Variants in KDM4C observed in about 807,000 individuals in gnomAD.
KDM4C encodes the protein lysine-specific demethylase 4C.
A neutral mutation model predicts 129.3 loss-of-function variants in KDM4C; 81 were observed. The ratio of observed to expected loss-of-function variants is 0.63; its 90% CI spans 0.52 to 0.75. The LOEUF (loss-of-function observed/expected upper bound fraction) is 0.75, where lower values mean the gene tolerates loss of function less well. Among genes scored for constraint, KDM4C ranks in the 30% least tolerant of loss-of-function variants. KDM4C has a pLI of 0.00. For synonymous variants in KDM4C, 573 were observed against 456.1 expected (o/e 1.26, Z -3.26); for missense variants, 1,457 against 1,304.0 (o/e 1.12, Z -1.81).
chr9:6,771,915 T>A (rs1821925991), intron 1 of KDM4C, among the ~76,000 whole-genome samples: 1 of 152,100 alleles, frequency 6.6e-6, no homozygotes, highest in Non-Finnish European at 1.5e-5. Context: ...GAGACTCAAG[T>A]AGCTCTTGCA....
At chr9:7,057,722 T>C (rs1386930870) in intron 17 of KDM4C, among the ~76,000 whole-genome samples, 3 of 152,232 alleles carry the variant, frequency 2.0e-5, no homozygotes, top group Non-Finnish European at 4.4e-5. Context: ...TTTCTTTGAA[T>C]GGAGGCCTGT....
At chr9:7,053,371 G>C (rs1305560166) in intron 17 of KDM4C, among the ~76,000 whole-genome samples, 3 of 152,126 alleles carry the variant, frequency 2.0e-5, no homozygotes, top group African/African-American at 7.2e-5. Context: ...GTTTACTTGA[G>C]CAGATTTTTT....
intron 18 of KDM4C, among the ~76,000 whole-genome samples, chr9:7,106,981 G>A (rs1837765412): frequency 6.6e-6 from 1 of 151,998 alleles, no homozygotes. Flanking sequence ...ATGGAAAAAA[G>A]TGTGTCACAG....
At chr9:6,842,300 T>C (rs1837081022) in intron 4 of KDM4C, among the ~76,000 whole-genome samples, 1 of 151,292 alleles carries the variant, frequency 6.6e-6, no homozygotes, top group African/African-American at 2.4e-5. Context: ...TTATTTTCTT[T>C]TATCCACATT....
intron 4 of KDM4C, among the ~76,000 whole-genome samples, chr9:6,827,607 A>T (rs1382005874): frequency 1.3e-5 from 2 of 152,236 alleles, no homozygotes; most frequent in Admixed American, 6.5e-5. Flanking sequence ...AAAACAGTTT[A>T]AACGGTTTGA....
chr9:6,967,899 A>G (rs1287117142), intron 8 of KDM4C, among the ~76,000 whole-genome samples: 1 of 152,194 alleles, frequency 6.6e-6, no homozygotes, highest in Non-Finnish European at 1.5e-5. Context: ...GGCTTTTCAT[A>G]AGTAAATGGT....
intron 19 of KDM4C, among the ~76,000 whole-genome samples, chr9:7,130,756 TTTTTTTC>T (rs1292755406): frequency 6.6e-6 from 1 of 152,028 alleles, no homozygotes; most frequent in East Asian, 1.9e-4. Context: ...AGTAATGTCT[TTTTTTTC>T]TTTTTTCTTT....
chr9:7,143,561 T>C (rs1296242181), intron 19 of KDM4C, among the ~76,000 whole-genome samples: 1 of 152,214 alleles, frequency 6.6e-6, no homozygotes, highest in African/African-American at 2.4e-5. Flanking sequence ...TAAGCCTTGG[T>C]GGATTAAAAG....
At chr9:7,084,638 G>T (rs1344504443) in intron 17 of KDM4C, among the ~76,000 whole-genome samples, 2 of 152,186 alleles carry the variant, frequency 1.3e-5, no homozygotes, top group Admixed American at 6.5e-5. Flanking sequence ...CATGATCTTA[G>T]TGTAGTTTTT....
At chr9:6,989,361 C>G (rs1219717099) in intron 11 of KDM4C, among the ~76,000 whole-genome samples, 1 of 151,598 alleles carries the variant, frequency 6.6e-6, no homozygotes, top group South Asian at 2.1e-4. Flanking sequence ...GGTTCAAACT[C>G]TCTCTGATAT....
intron 10 of KDM4C, among the ~76,000 whole-genome samples, chr9:6,984,714 GCTT>G (rs1454244470): frequency 6.6e-6 from 1 of 151,980 alleles, no homozygotes; most frequent in Non-Finnish European, 1.5e-5. Context: ...TTTTTGGAAG[GCTT>G]CTTTTGAATT....
intron 8 of KDM4C, among the ~76,000 whole-genome samples, chr9:6,934,549 G>C (rs1438852271): frequency 6.8e-6 from 1 of 147,468 alleles, no homozygotes; most frequent in Non-Finnish European, 1.5e-5. Context: ...TTTTTTTTGA[G>C]ATGGAGTCTC....
intron 1 of KDM4C, among the ~76,000 whole-genome samples, chr9:6,762,267 G>T (rs1819704823): frequency 7.1e-6 from 1 of 141,000 alleles, no homozygotes; most frequent in Admixed American, 7.2e-5. Context: ...CCCCACAACA[G>T]GCCCTGGTGT....
At chr9:6,744,968 C>G (rs1315918475) in intron 1 of KDM4C, among the ~76,000 whole-genome samples, 1 of 152,134 alleles carries the variant, frequency 6.6e-6, no homozygotes, top group Non-Finnish European at 1.5e-5. Flanking sequence ...GGCCAGCCCT[C>G]TTCCTCCTCC....
chr9:6,835,234 TTCC>T (rs1835670365), intron 4 of KDM4C: 2 of 909,572 alleles, frequency 2.2e-6, no homozygotes, highest in Non-Finnish European at 3.7e-6. Context: ...TGAGGCACTC[TTCC>T]AGCTTTCCTT....
intron 7 of KDM4C, among the ~76,000 whole-genome samples, chr9:6,891,457 C>G (rs567773035): frequency 6.6e-6 from 1 of 152,072 alleles, no homozygotes; most frequent in Non-Finnish European, 1.5e-5. Context: ...TCCATTATAA[C>G]AAATCTGTAG....
At chr9:6,733,050 A>G (rs541924928) in intron 1 of KDM4C, among the ~76,000 whole-genome samples, 2 of 152,198 alleles carry the variant, frequency 1.3e-5, no homozygotes, top group Admixed American at 6.6e-5. Flanking sequence ...ACGTGGTTAC[A>G]AGGTCAAGCT....
chr9:6,932,347 C>G (rs1397908480), intron 8 of KDM4C, among the ~76,000 whole-genome samples: 1 of 152,118 alleles, frequency 6.6e-6, no homozygotes, highest in African/African-American at 2.4e-5. Context: ...GGGTTTGGAT[C>G]ATATTCTTAG....
chr9:6,784,808 G>C (rs1825129134), intron 1 of KDM4C, among the ~76,000 whole-genome samples: 2 of 152,190 alleles, frequency 1.3e-5, no homozygotes. Context: ...TTCTAAGCTG[G>C]GGCCCAGGCC....
Sources: allele counts gnomAD v4.1 joint callset (sites outside exome capture counted in the v4.1 genomes callset), GRCh38; gene constraint gnomAD v4.1.1; transcripts MANE v1.5; gene names NCBI Gene and HGNC (gene_info 2026-07-23, HGNC 2026-07-21).